SUGCT: variants seen among roughly 807,000 people sequenced by gnomAD.
SUGCT encodes the protein succinyl-CoA:glutarate-CoA transferase.
Under a neutral mutation model 55.0 loss-of-function variants are expected in SUGCT, and 41 were observed. The observed-to-expected ratio is 0.74, with a 90% CI of 0.58 to 0.97. SUGCT has a LOEUF of 0.97. Among genes scored for constraint, SUGCT ranks in the 50% least tolerant of loss-of-function variants. SUGCT has a pLI of 0.00. For synonymous variants in SUGCT, 187 were observed against 200.4 expected (o/e 0.93, Z 0.56); for missense variants, 568 against 547.8 (o/e 1.04, Z -0.37).
intron 6 of SUGCT, among the ~76,000 whole-genome samples, chr7:40,210,337 C>T (rs559236771): frequency 7.2e-5 from 11 of 152,174 alleles, no homozygotes; most frequent in East Asian, 1.9e-4. Flanking sequence ...TGAGCCACCA[C>T]GCCTGGCCTA....
At chr7:40,575,111 G>A (rs549365179) in intron 12 of SUGCT, among the ~76,000 whole-genome samples, 82 of 147,898 alleles carry the variant, frequency 5.5e-4, no homozygotes, top group African/African-American at 2.0e-3. Context: ...TGGTGGGCAG[G>A]AGGGTGGCGG....
chr7:40,194,464 C>T (rs1380985462), intron 5 of SUGCT, among the ~76,000 whole-genome samples: 1 of 152,166 alleles, frequency 6.6e-6, no homozygotes, highest in Admixed American at 6.5e-5. Flanking sequence ...GTTGCCCAGG[C>T]TGGTCTTGAA....
chr7:40,525,446 G>A (rs1201977736), intron 12 of SUGCT, among the ~76,000 whole-genome samples: 1 of 152,040 alleles, frequency 6.6e-6, no homozygotes, highest in South Asian at 2.1e-4. Flanking sequence ...AACATTGTGA[G>A]GAAAGTGTCT....
intron 12 of SUGCT, among the ~76,000 whole-genome samples, chr7:40,720,516 G>A (rs193026360): frequency 1.7e-3 from 255 of 152,190 alleles, no homozygotes; most frequent in Non-Finnish European, 2.7e-3. Flanking sequence ...AAATGTATAT[G>A]GAATCTCTGT....
chr7:40,245,452 T>TA (rs1562607706), intron 7 of SUGCT, among the ~76,000 whole-genome samples: 1 of 98,258 alleles, frequency 1.0e-5, no homozygotes, highest in African/African-American at 4.6e-5. Flanking sequence ...TTTTTTTTTT[T>TA]TTTTTGAGAT....
At chr7:40,935,783 A>G in the SUGCT span, among the ~76,000 whole-genome samples, 1 of 152,204 alleles carries the variant, frequency 6.6e-6, no homozygotes. Context: ...ACTAGGCTAT[A>G]TGGTAACTCT....
intron 13 of SUGCT, among the ~76,000 whole-genome samples, chr7:40,845,216 A>G (rs1382206399): frequency 2.0e-5 from 3 of 152,216 alleles, no homozygotes; most frequent in African/African-American, 7.2e-5. Flanking sequence ...TACAACACTG[A>G]GGAGAAGCAG....
intron 12 of SUGCT, among the ~76,000 whole-genome samples, chr7:40,704,897 G>A (rs1397312279): frequency 6.6e-6 from 1 of 152,200 alleles, no homozygotes; most frequent in Admixed American, 6.5e-5. Context: ...TAGCTATGAA[G>A]TAGTGGAGTC....
At chr7:40,718,903 T>A (rs895750422) in intron 12 of SUGCT, among the ~76,000 whole-genome samples, 2 of 152,176 alleles carry the variant, frequency 1.3e-5, no homozygotes, top group African/African-American at 4.8e-5. Flanking sequence ...ATATAAAAAT[T>A]TAAAAGCCAG....
chr7:40,415,062 A>ATCTATCTG (rs1252940672), intron 9 of SUGCT, among the ~76,000 whole-genome samples: 6 of 14,796 alleles, frequency 4.1e-4, no homozygotes, highest in Non-Finnish European at 8.9e-4. Flanking sequence ...AAAAAAAAAA[A>ATCTATCTG]TCTATCTATC....
chr7:40,617,401 TGAA>T (rs1470533877), intron 12 of SUGCT, among the ~76,000 whole-genome samples: 6 of 152,134 alleles, frequency 3.9e-5, no homozygotes, highest in South Asian at 2.1e-4. Context: ...GACATATTTT[TGAA>T]GAAGAACTTT....
At chr7:40,565,525 T>C (rs1304822017) in intron 12 of SUGCT, among the ~76,000 whole-genome samples, 2 of 152,210 alleles carry the variant, frequency 1.3e-5, no homozygotes, top group Non-Finnish European at 2.9e-5. Context: ...ATACTAGGTA[T>C]TGTTTTCAGC....
chr7:40,339,191 A>G (rs1416316310), intron 9 of SUGCT, among the ~76,000 whole-genome samples: 2 of 152,108 alleles, frequency 1.3e-5, no homozygotes, highest in Admixed American at 6.5e-5. Context: ...CTACTCAGGG[A>G]TCAGGGGCAC....
chr7:40,933,831 C>T, the SUGCT span, among the ~76,000 whole-genome samples: 870 of 152,188 alleles, frequency 5.7e-3, 8 homozygotes, highest in African/African-American at 0.02. Context: ...GTTAGCCATT[C>T]GTCTAACCTT....
intron 5 of SUGCT, among the ~76,000 whole-genome samples, chr7:40,191,011 C>G (rs1785869720): frequency 6.6e-6 from 1 of 152,128 alleles, no homozygotes; most frequent in Non-Finnish European, 1.5e-5. Flanking sequence ...GGTTAGAGAA[C>G]CAAGTCTCAA....
At chr7:40,895,242 A>G in the SUGCT span, among the ~76,000 whole-genome samples, 1 of 152,206 alleles carries the variant, frequency 6.6e-6, no homozygotes, top group Admixed American at 6.5e-5. Context: ...GTGCTCACTT[A>G]TAAGTAGGAG....
intron 12 of SUGCT, among the ~76,000 whole-genome samples, chr7:40,551,357 A>T (rs1795289507): frequency 6.6e-6 from 1 of 152,174 alleles, no homozygotes; most frequent in African/African-American, 2.4e-5. Context: ...GAGAGAATTG[A>T]CTTCCAGGCT....
chr7:40,905,030 T>A, the SUGCT span, among the ~76,000 whole-genome samples: 1 of 152,220 alleles, frequency 6.6e-6, no homozygotes, highest in Non-Finnish European at 1.5e-5. Context: ...ATAACATGGT[T>A]AACTCATGGA....
intron 9 of SUGCT, among the ~76,000 whole-genome samples, chr7:40,395,438 G>A (rs1303596178): frequency 4.4e-5 from 6 of 136,330 alleles, no homozygotes; most frequent in African/African-American, 1.7e-4. Context: ...GCAGTGAGCC[G>A]AGATCCTGCC....
Sources: gnomAD v4.1 joint callset for allele counts (sites outside exome capture counted in the v4.1 genomes callset) on GRCh38, gnomAD v4.1.1 for gene constraint, MANE v1.5 for transcripts, NCBI Gene and HGNC (gene_info 2026-07-23, HGNC 2026-07-21) for gene names.